The following PAPPA2 variants were observed in gnomAD, a reference collection of about 807,000 sequenced individuals.
The protein encoded by PAPPA2 is pappalysin 2.
In PAPPA2, 86 loss-of-function variants were observed where a neutral mutation model predicts 176.4. The ratio of observed to expected loss-of-function variants is 0.49; its 90% CI spans 0.41 to 0.58. The LOEUF (loss-of-function observed/expected upper bound fraction) is 0.58, where lower values mean the gene tolerates loss of function less well. Among genes scored for constraint, PAPPA2 ranks in the 20% least tolerant of loss-of-function variants. The probability of loss-of-function intolerance (pLI) is 0.00; values close to 1 mark genes in which losing one functional copy is unlikely to be tolerated. For missense variants in PAPPA2, 2,073 were observed against 2,256.9 expected (o/e 0.92, Z 1.65); for synonymous variants, 809 against 852.2 (o/e 0.95, Z 0.88).
At chr1:176,493,537 G>A in intron 1 of PAPPA2, among the ~76,000 whole-genome samples, 1 of 152,156 alleles carries the variant, frequency 6.6e-6, no homozygotes, top group African/African-American at 2.4e-5. Context: ...AGGCAATGCT[G>A]CTTCCCTTCT....
chr1:176,490,968 A>G (rs1558399263), intron 1 of PAPPA2, among the ~76,000 whole-genome samples: 2 of 152,326 alleles, frequency 1.3e-5, no homozygotes, highest in South Asian at 2.1e-4. Context: ...TGATTTTCTT[A>G]GCCTGAAACC....
At chr1:176,804,450 T>C (rs1306003442) in intron 21 of PAPPA2, among the ~76,000 whole-genome samples, 1 of 152,148 alleles carries the variant, frequency 6.6e-6, no homozygotes. Context: ...CAGTGCACAG[T>C]ATAGCCCACA....
chr1:176,779,476 T>TCACACACACACACA (rs376976102), intron 17 of PAPPA2, among the ~76,000 whole-genome samples: 47 of 126,960 alleles, frequency 3.7e-4, no homozygotes, highest in South Asian at 1.4e-3. Context: ...TCCATACTCA[T>TCACACACACACACA]CACACACACA....
chr1:176,710,739 C>G (rs542926568), intron 11 of PAPPA2, among the ~76,000 whole-genome samples: 1 of 152,246 alleles, frequency 6.6e-6, no homozygotes, highest in East Asian at 1.9e-4. Context: ...CAATACAGCC[C>G]TTTCACAGAA....
At chr1:176,693,943 G>A (rs897792737) in intron 6 of PAPPA2, among the ~76,000 whole-genome samples, 1 of 152,156 alleles carries the variant, frequency 6.6e-6, no homozygotes, top group Non-Finnish European at 1.5e-5. Flanking sequence ...TGGTACAAAC[G>A]TTACGATAAA....
Position 176,757,336 on chromosome 1 carries a change from G to A in PAPPA2, c.4152-8330G>A, listed in dbSNP as rs534259857. Among the ~76,000 whole-genome samples, 31 of 152,240 alleles carry A rather than the reference G, an allele frequency of 2.0e-4. No homozygotes were observed. In the South Asian group the frequency reaches 5.6e-3, roughly 27 times the overall value. Reference sequence around the variant, plus strand: ...CCACTCCTACCAACAGTGTAAAAGCGTTCTTATTTCTCCACATCCTCTCCA... The same window carrying A: ...CCACTCCTACCAACAGTGTAAAAGCATTCTTATTTCTCCACATCCTCTCCA... On this transcript the variant is annotated intron_variant, in intron 14 of 22. Transcript: ENST00000367662.
chr1:176,742,205 A>G (rs1662711231), intron 14 of PAPPA2, among the ~76,000 whole-genome samples: 2 of 152,212 alleles, frequency 1.3e-5, no homozygotes, highest in Admixed American at 1.3e-4. Flanking sequence ...GTATCTCTGA[A>G]TATCTACAGA....
intron 2 of PAPPA2, among the ~76,000 whole-genome samples, chr1:176,559,133 C>A (rs967566704): frequency 6.6e-6 from 1 of 152,210 alleles, no homozygotes; most frequent in Non-Finnish European, 1.5e-5. Flanking sequence ...CCTGCCAACA[C>A]TGCCACAGCA....
At chr1:176,632,603 G>A (rs1428230112) in intron 3 of PAPPA2, among the ~76,000 whole-genome samples, 1 of 152,194 alleles carries the variant, frequency 6.6e-6, no homozygotes, top group African/African-American at 2.4e-5. Context: ...GGAGACAGTT[G>A]CTCAAACCTT....
intron 2 of PAPPA2, among the ~76,000 whole-genome samples, chr1:176,576,732 T>A (rs1032768498): frequency 1.3e-5 from 2 of 152,196 alleles, no homozygotes; most frequent in African/African-American, 4.8e-5. Flanking sequence ...GAATTTCAGG[T>A]GCCGTTTGAG....
chr1:176,805,913 C>T (rs1665883050), intron 21 of PAPPA2, among the ~76,000 whole-genome samples: 1 of 141,490 alleles, frequency 7.1e-6, no homozygotes. Flanking sequence ...CACTTGAGTC[C>T]AGGAGTTTAG....
intron 3 of PAPPA2, among the ~76,000 whole-genome samples, chr1:176,599,550 A>G (rs1654189146): frequency 6.8e-6 from 1 of 146,488 alleles, no homozygotes; most frequent in African/African-American, 2.5e-5. Flanking sequence ...CTATCTTTCA[A>G]TGCTTTTATT....
At chr1:176,568,625 T>C (rs535450738) in intron 2 of PAPPA2, among the ~76,000 whole-genome samples, 1 of 152,354 alleles carries the variant, frequency 6.6e-6, no homozygotes, top group East Asian at 1.9e-4. Flanking sequence ...TTGCTTGTCC[T>C]GTTTTCTGTA....
At position 176,771,106 on chromosome 1, in the gene PAPPA2, C is replaced by A; in HGVS notation, c.4641C>A (p.Asp1547Glu). Residue 1547 changes from aspartate (D) to glutamate (E), a missense_variant, in exon 17 of 23, where the codon GAC (aspartate) becomes GAA (glutamate). Coordinates refer to ENST00000367662, the MANE Select transcript of PAPPA2 (RefSeq NM_020318.3). ...CTCACTGCCTCCAGGACAACCACGACGTGGGCACCATCTGCAAATATGAAT... is the reference window on the plus strand; with the variant it reads ...CTCACTGCCTCCAGGACAACCACGAAGTGGGCACCATCTGCAAATATGAAT... ...LLPHCLQDNH[D>E]VGTICKYECK... The A allele has an allele frequency of 6.2e-7, 1 of 1,614,118 alleles. No homozygotes were observed. Among genetic ancestry groups the A allele is most frequent in the Non-Finnish European group, 8.5e-7 (1 of 1,180,008 alleles).
At chr1:176,498,567 T>C (rs1647763538) in intron 1 of PAPPA2, among the ~76,000 whole-genome samples, 1 of 151,862 alleles carries the variant, frequency 6.6e-6, no homozygotes, top group African/African-American at 2.4e-5. Flanking sequence ...CTGACCAACA[T>C]GATGAAACCC....
chr1:176,703,189 G>A (rs182238721), intron 9 of PAPPA2, among the ~76,000 whole-genome samples: 1 of 152,290 alleles, frequency 6.6e-6, no homozygotes, highest in East Asian at 1.9e-4. Context: ...AGGAAATTCA[G>A]TATAGCTTTC....
chr1:176,617,950 T>A (rs1655365069), intron 3 of PAPPA2, among the ~76,000 whole-genome samples: 1 of 152,130 alleles, frequency 6.6e-6, no homozygotes, highest in Non-Finnish European at 1.5e-5. Flanking sequence ...AAATGACTTG[T>A]CTGAAAATCT....
intron 3 of PAPPA2, among the ~76,000 whole-genome samples, chr1:176,627,924 C>T (rs1406279677): frequency 6.6e-6 from 1 of 152,086 alleles, no homozygotes; most frequent in East Asian, 1.9e-4. Context: ...TTGAGGATTA[C>T]TTCAGGTTGT....
At chr1:176,536,945 C>A (rs988404256) in intron 1 of PAPPA2, among the ~76,000 whole-genome samples, 1 of 152,138 alleles carries the variant, frequency 6.6e-6, no homozygotes, top group Non-Finnish European at 1.5e-5. Context: ...GAGAGAGGTA[C>A]AATTATCATT....
Sources: allele counts gnomAD v4.1 joint callset (sites outside exome capture counted in the v4.1 genomes callset), GRCh38; gene constraint gnomAD v4.1.1; transcripts MANE v1.5; gene names NCBI Gene and HGNC (gene_info 2026-07-23, HGNC 2026-07-21).